Variants in DDHD2 observed in about 807,000 individuals in gnomAD.
DDHD2 encodes the protein triacylglycerol hydrolase DDHD2.
In DDHD2, 62 loss-of-function variants were observed where a neutral mutation model predicts 91.2. That is an observed-to-expected ratio of 0.68 (90% CI 0.55 to 0.84). The LOEUF is 0.84. Ranked by LOEUF, DDHD2 falls within the 40% of genes least tolerant of loss-of-function variation. DDHD2 has a pLI of 0.00. For synonymous variants in DDHD2, 271 were observed against 293.9 expected, an observed-to-expected ratio of 0.92 and a Z score of 0.80; for missense variants, 740 against 846.9, an observed-to-expected ratio of 0.87 and a Z score of 1.57.
At chr8:38,252,934 T>C in intron 14 of DDHD2, 23 bp from the exon 15 acceptor site, 1 of 1,612,976 alleles carries the variant, frequency 6.2e-7, no homozygotes, top group East Asian at 2.2e-5. Context: ...AATCATTTAA[T>C]GTTCTTTATT....
At chr8:38,256,976 T>C (rs1390353707) in intron 16 of DDHD2, among the ~76,000 whole-genome samples, 4 of 151,506 alleles carry the variant, frequency 2.6e-5, no homozygotes, top group Non-Finnish European at 5.9e-5. Context: ...CAGGCTGGAG[T>C]GCAGTGGTGC....
intron 10 of DDHD2, among the ~76,000 whole-genome samples, chr8:38,249,297 G>A (rs527362385): frequency 2.0e-5 from 3 of 151,018 alleles, no homozygotes; most frequent in Non-Finnish European, 2.9e-5. Flanking sequence ...TGTATTTTTA[G>A]TAGAGACGGG....
At chr8:38,268,802 G>T (rs1215152762) in intron 1 of DDHD2, 1 of 1,448,884 alleles carries the variant, frequency 6.9e-7, no homozygotes, top group East Asian at 2.6e-5. Flanking sequence ...TACAAAGGCC[G>T]TCTCGGGGTG....
At chr8:38,241,450 T>C (rs774214887) in intron 6 of DDHD2, among the ~76,000 whole-genome samples, 4 of 151,980 alleles carry the variant, frequency 2.6e-5, no homozygotes, top group Non-Finnish European at 5.9e-5. Context: ...GACAAGAGCT[T>C]TGCTCTGTTG....
downstream of DDHD2, chr8:38,264,329 A>C: frequency 1.2e-6 from 1 of 861,724 alleles, no homozygotes; most frequent in Non-Finnish European, 1.6e-6. Context: ...TTTAGTAGAG[A>C]CAGGGTTCAC....
intron 16 of DDHD2, among the ~76,000 whole-genome samples, chr8:38,255,534 C>T (rs1191098899): frequency 6.6e-6 from 1 of 152,084 alleles, no homozygotes; most frequent in African/African-American, 2.4e-5. Context: ...AAATGTCTTC[C>T]AGCCATCTAT....
In DDHD2 at chr8:38,261,609, G is replaced by C. The variant is rs894196659; in HGVS notation, c.*1036G>C. On this transcript the variant is annotated 3_prime_UTR_variant, in exon 18 of 18. Transcript: ENST00000397166. ...AGCATTGGTTGAGCAGGTAGGTTTG[G>C]CTAGGGGGAAATGTTTAACTTGTTC... 2.0e-5 allele frequency: 3 copies of C among 152,162 alleles called. No homozygotes were observed. Among genetic ancestry groups the C allele is most frequent in the African/African-American group, 7.2e-5 (3 of 41,428 alleles). The allele number at this position is 152,162 out of a possible 1,614,324, so 9.4% of individuals were successfully genotyped here.
intron 1 of DDHD2, chr8:38,268,355 A>G (rs374293997): frequency 4.9e-4 from 770 of 1,556,366 alleles, no homozygotes; most frequent in Non-Finnish European, 6.3e-4. Context: ...ACCGGCCCGA[A>G]AGGGCTAGCG....
chr8:38,273,009 T>C (rs1808520230), downstream of DDHD2: 1 of 152,214 alleles, frequency 6.6e-6, no homozygotes, highest in African/African-American at 2.4e-5. Context: ...AGAACATTCA[T>C]GGCCAAAGAC....
chr8:38,244,053 T>G (rs1805441685), intron 7 of DDHD2, among the ~76,000 whole-genome samples: 1 of 152,114 alleles, frequency 6.6e-6, no homozygotes, highest in Non-Finnish European at 1.5e-5. Flanking sequence ...TCCGCCCGTC[T>G]TGGCCTCCCC....
intron 16 of DDHD2, among the ~76,000 whole-genome samples, chr8:38,257,890 C>G (rs1806654398): frequency 6.6e-6 from 1 of 151,728 alleles, no homozygotes; most frequent in Non-Finnish European, 1.5e-5. Context: ...TCTCAAACTC[C>G]TGACCTCAAG....
chr8:38,268,597 G>C, intron 1 of DDHD2: 2 of 1,454,644 alleles, frequency 1.4e-6, no homozygotes. Flanking sequence ...CCGGGCGCCA[G>C]GCAGCGCCAC....
At chr8:38,257,318 G>T (rs1473910501) in intron 16 of DDHD2, among the ~76,000 whole-genome samples, 2 of 128,746 alleles carry the variant, frequency 1.6e-5, no homozygotes, top group African/African-American at 5.8e-5. Flanking sequence ...GCACGATCTT[G>T]GCTCACTGCA....
At chr8:38,237,077 A>T (rs1234789692) in intron 3 of DDHD2, among the ~76,000 whole-genome samples, 1 of 152,104 alleles carries the variant, frequency 6.6e-6, no homozygotes, top group Non-Finnish European at 1.5e-5. Context: ...TTGTAATTTC[A>T]AAATAATTTA....
downstream of DDHD2, chr8:38,272,236 T>C (rs1808499289): frequency 6.6e-6 from 1 of 152,260 alleles, no homozygotes; most frequent in African/African-American, 2.4e-5. Context: ...ACATATGTTC[T>C]TGACTTGTAC....
At chr8:38,248,766 G>C (rs1352578894) in intron 10 of DDHD2, among the ~76,000 whole-genome samples, 1 of 151,734 alleles carries the variant, frequency 6.6e-6, no homozygotes, top group Non-Finnish European at 1.5e-5. Flanking sequence ...TCAACATGGT[G>C]AAACCCTGTC....
Position 38,253,144 on chromosome 8 carries a change from A to G in DDHD2, c.1891+17A>G, listed in dbSNP as rs751400530. 1.9e-6 allele frequency: 3 copies of G among 1,595,020 alleles called. No homozygotes were observed. Among genetic ancestry groups the G allele is most frequent in the African/African-American group, 1.3e-5 (1 of 74,082 alleles). ...AGCCTAGTGGTCAGTGACACTGTACACATTGACCAGCTGCCAGATAAGAGG... is the reference window on the plus strand; with the variant it reads ...AGCCTAGTGGTCAGTGACACTGTACGCATTGACCAGCTGCCAGATAAGAGG... On this transcript the variant is annotated intron_variant, in intron 15 of 17. Coordinates refer to ENST00000397166, the MANE Select transcript of DDHD2 (RefSeq NM_015214.3).
intron 1 of DDHD2, chr8:38,268,629 C>A: frequency 7.0e-7 from 1 of 1,437,994 alleles, no homozygotes; most frequent in South Asian, 1.5e-5. Flanking sequence ...AGCGCCCGTG[C>A]GGCTCGGGCC....
rs766460735 is a variant in DDHD2 at position 38,260,824 on chromosome 8, G to T, written c.*251G>T. On this transcript the variant is annotated 3_prime_UTR_variant, in exon 18 of 18. Transcript: ENST00000397166. ...GCCATTTTTTTCTGCATAGCTGGGG[G>T]TGGTTTGTGTCTTTAATTCTTTGAT... 1 of 152,498 alleles carries T rather than the reference G, an allele frequency of 6.6e-6. No individual in the cohort carries two copies. The highest frequency in any genetic ancestry group is 1.5e-5 in the Non-Finnish European group (1 of 68,060). 9.4% of individuals were successfully genotyped at this position (152,498 alleles called of 1,614,324 possible). A position where few individuals can be genotyped will look rare whatever the true frequency, so the allele number is the denominator to read the frequency against.
Sources: allele counts gnomAD v4.1 joint callset (sites outside exome capture counted in the v4.1 genomes callset), GRCh38; gene constraint gnomAD v4.1.1; transcripts MANE v1.5; gene names NCBI Gene and HGNC (gene_info 2026-07-23, HGNC 2026-07-21).